LRRC38: variants seen among roughly 807,000 people sequenced by gnomAD.
LRRC38 encodes the protein leucine rich repeat containing 38.
LRRC38 carries 5 observed loss-of-function variants against 16.4 expected under a neutral mutation model. That is an observed-to-expected ratio of 0.31 (90% CI 0.16 to 0.64). The LOEUF (loss-of-function observed/expected upper bound fraction) is 0.64, where lower values mean the gene tolerates loss of function less well. LRRC38 is among the 30% of genes least tolerant of loss of function. The pLI is 0.80. For synonymous variants in LRRC38, 191 were observed against 190.2 expected (o/e 1.00, Z -0.04); for missense variants, 341 against 401.8 (o/e 0.85, Z 1.29).
chr1:13,498,490 G>A (rs1414923910), intron 1 of LRRC38, among the ~76,000 whole-genome samples: 1 of 152,008 alleles, frequency 6.6e-6, no homozygotes, highest in African/African-American at 2.4e-5. Context: ...AATTACCCAG[G>A]CGTGGTGGTG....
chr1:13,484,166 C>A (rs1461650467), intron 1 of LRRC38, among the ~76,000 whole-genome samples: 15 of 152,278 alleles, frequency 9.9e-5, no homozygotes, highest in Admixed American at 7.2e-4. Flanking sequence ...AGGGCCTCTG[C>A]ACCTGCCTGC....
chr1:13,495,876 C>T (rs1172114590), intron 1 of LRRC38, among the ~76,000 whole-genome samples: 1 of 152,194 alleles, frequency 6.6e-6, no homozygotes, highest in African/African-American at 2.4e-5. Flanking sequence ...TGTTCAGTGA[C>T]AGCCCCTCAG....
At chr1:13,507,832 AAAAC>A (rs954003228) in intron 1 of LRRC38, among the ~76,000 whole-genome samples, 11 of 151,914 alleles carry the variant, frequency 7.2e-5, no homozygotes, top group African/African-American at 1.2e-4. Flanking sequence ...ACTCCATCTC[AAAAC>A]AAACAAACAA....
chr1:13,475,484 G>A lies in LRRC38; in HGVS notation c.*362C>T, dbSNP rs1638775193. ...TCCCAGTACAGGTCAGAAAAAGAAT[G>A]GCGTAAAATCATCTTTGCCATTGAA... On this transcript the variant is annotated 3_prime_UTR_variant, in exon 2 of 2. Transcript: ENST00000376085. The surrounding 1 kb of genome is among the most constrained non-coding windows in gnomAD (Gnocchi z 4.3). 4.2e-6 allele frequency: 1 copy of A among 238,752 alleles called. No homozygotes were observed. Among genetic ancestry groups the A allele is most frequent in the Admixed American group, 4.9e-5 (1 of 20,388 alleles). The allele number at this position is 238,752 out of a possible 1,614,324, so 14.8% of individuals were successfully genotyped here.
chr1:13,481,034 T>C (rs1054353866), intron 1 of LRRC38, among the ~76,000 whole-genome samples: 3 of 152,126 alleles, frequency 2.0e-5, no homozygotes, highest in African/African-American at 7.2e-5. Flanking sequence ...AGTGTGATGG[T>C]ATCTGGAGGT....
chr1:13,483,080 T>C (rs1638889527), intron 1 of LRRC38, among the ~76,000 whole-genome samples: 1 of 152,116 alleles, frequency 6.6e-6, no homozygotes, highest in Non-Finnish European at 1.5e-5. Flanking sequence ...GACCTAGGGC[T>C]GCACCAGCCT....
intron 1 of LRRC38, among the ~76,000 whole-genome samples, chr1:13,502,481 A>G (rs1210188428): frequency 1.3e-5 from 2 of 151,956 alleles, no homozygotes; most frequent in African/African-American, 4.8e-5. Flanking sequence ...ACTCCTGCAC[A>G]CACAAATGAA....
chr1:13,497,666 G>A (rs181369), intron 1 of LRRC38, among the ~76,000 whole-genome samples: 73,024 of 151,678 alleles, frequency 0.48, 19,233 homozygotes, highest in African/African-American at 0.7. Flanking sequence ...TAATTTTTCC[G>A]TTGATTACAC....
Position 13,513,664 on chromosome 1 carries a change from G to A in LRRC38, c.-71C>T. On this transcript the variant is annotated 5_prime_UTR_variant, in exon 1 of 2. Coordinates refer to ENST00000376085, the MANE Select transcript of LRRC38 (RefSeq NM_001010847.2). The stretch of plus-strand genomic sequence containing the variant: ...GGAGCGAGCCCTGGCGCGGGACGGC[G>A]CGGTGAGGCACTGGCTGCCGGGCGC... 5 of 998,170 alleles carry A rather than the reference G, an allele frequency of 5.0e-6. No individual in the cohort carries two copies. The highest frequency in any genetic ancestry group is 6.0e-6 in the Non-Finnish European group (5 of 832,996). 61.8% of individuals were successfully genotyped at this position (998,170 alleles called of 1,614,324 possible).
Position 13,486,265 on chromosome 1 carries a change from TC to T in LRRC38, c.632-10167del, listed in dbSNP as rs1366245936. Reference sequence around the variant, plus strand: ...GCTCTGTGTCTCCGTCTTGCAAGTCTCCCTCTGCCCTTCCCTTACAAGGACA... The same window carrying T: ...GCTCTGTGTCTCCGTCTTGCAAGTCTCCTCTGCCCTTCCCTTACAAGGACA... On this transcript the variant is annotated intron_variant, in intron 1 of 1. Coordinates refer to ENST00000376085, the MANE Select transcript of LRRC38 (RefSeq NM_001010847.2). Among the ~76,000 whole-genome samples, 3 of 152,128 alleles carry T rather than the reference TC, an allele frequency of 2.0e-5. No individual in the cohort carries two copies. In the East Asian group the frequency reaches 5.8e-4, roughly 29 times the overall value.
chr1:13,499,139 C>T (rs535603305), intron 1 of LRRC38, among the ~76,000 whole-genome samples: 3 of 152,276 alleles, frequency 2.0e-5, no homozygotes, highest in African/African-American at 7.2e-5. Context: ...CTCTATCACC[C>T]AGGCTGGAGT....
At chr1:13,478,925 T>C (rs1040316030) in intron 1 of LRRC38, among the ~76,000 whole-genome samples, 2 of 152,164 alleles carry the variant, frequency 1.3e-5, no homozygotes, top group African/African-American at 4.8e-5. Flanking sequence ...AACCAGACTC[T>C]GCATTCCCTC....
intron 1 of LRRC38, among the ~76,000 whole-genome samples, chr1:13,508,138 G>A (rs1639233606): frequency 6.6e-6 from 1 of 152,058 alleles, no homozygotes; most frequent in Admixed American, 6.6e-5. Flanking sequence ...TGGGGAGGCT[G>A]AGGCAGTAGA....
rs561328078 is a variant in LRRC38, at chr1:13,478,881, C to T, written c.632-2782G>A. Among the ~76,000 whole-genome samples, 119 of 152,236 alleles carry T rather than the reference C, an allele frequency of 7.8e-4. 2 individuals carry two copies. The highest frequency in any genetic ancestry group is 2.5e-3 in the African/African-American group (104 of 41,552). Reference sequence around the variant, plus strand: ...TTTATGTAGTCTACAGCCAACCCATCGATGCTTCTGTCCCATGGGAACCAT... The same window carrying T: ...TTTATGTAGTCTACAGCCAACCCATTGATGCTTCTGTCCCATGGGAACCAT... On this transcript the variant is annotated intron_variant, in intron 1 of 1. Transcript: ENST00000376085.
At chr1:13,500,472 GT>G (rs1639135179) in intron 1 of LRRC38, among the ~76,000 whole-genome samples, 1 of 152,072 alleles carries the variant, frequency 6.6e-6, no homozygotes, top group South Asian at 2.1e-4. Context: ...CCTGTAAATG[GT>G]GCATTCAGCA....
At chr1:13,491,186 T>C (rs1385347229) in intron 1 of LRRC38, among the ~76,000 whole-genome samples, 1 of 152,054 alleles carries the variant, frequency 6.6e-6, no homozygotes, top group African/African-American at 2.4e-5. Flanking sequence ...ATCTGGAAGG[T>C]GGAAGACAAG....
chr1:13,513,484 G>T lies in LRRC38; in HGVS notation c.110C>A (p.Pro37Gln). 6.5e-7 allele frequency: 1 copy of T among 1,538,722 alleles called. No individual in the cohort carries two copies. ...ACPAGCACTD[P>Q]HTVDCRDRGL... Reference sequence around the variant, plus strand: ...GCGGTCGCGGCAGTCCACGGTGTGCGGGTCGGTGCAGGCGCAGCCCGCGGG... The same window carrying T: ...GCGGTCGCGGCAGTCCACGGTGTGCTGGTCGGTGCAGGCGCAGCCCGCGGG... Residue 37 changes from proline (P) to glutamine (Q), a missense_variant, in exon 1 of 2, where the codon CCG becomes CAG. Pro to Gln is a moderately conservative substitution (Grantham distance 76, BLOSUM62 -1). Transcript: ENST00000376085.
intron 1 of LRRC38, among the ~76,000 whole-genome samples, chr1:13,496,981 A>G (rs1158783336): frequency 6.6e-6 from 1 of 152,066 alleles, no homozygotes; most frequent in East Asian, 1.9e-4. Flanking sequence ...TGGCAGAGGA[A>G]GTAGCAGGTG....
At chr1:13,502,240 CAA>C (rs1639160253) in intron 1 of LRRC38, among the ~76,000 whole-genome samples, 1 of 151,934 alleles carries the variant, frequency 6.6e-6, no homozygotes, top group African/African-American at 2.4e-5. Flanking sequence ...CGCACCCGGC[CAA>C]AGTCTATTGA....
Sources: gnomAD v4.1 joint callset for allele counts (sites outside exome capture counted in the v4.1 genomes callset) on GRCh38, gnomAD v4.1.1 for gene constraint, Gnocchi (gnomAD v3.1) non-coding constraint, MANE v1.5 for transcripts, NCBI Gene and HGNC (gene_info 2026-07-23, HGNC 2026-07-21) for gene names.